BAZ1A: variants seen among roughly 807,000 people sequenced by gnomAD.
BAZ1A encodes the protein bromodomain adjacent to zinc finger domain 1A.
In BAZ1A, 50 loss-of-function variants were observed where a neutral mutation model predicts 185.2. The observed-to-expected ratio is 0.27, with a 90% confidence interval of 0.22 to 0.34. BAZ1A has a LOEUF of 0.34. Among genes scored for constraint, BAZ1A ranks in the 10% least tolerant of loss-of-function variants. The pLI is 1.00. For synonymous variants in BAZ1A, 571 were observed against 615.6 expected, an observed-to-expected ratio of 0.93 and a Z score of 1.07; for missense variants, 1,356 against 1,839.9, an observed-to-expected ratio of 0.74 and a Z score of 4.81.
chr14:34,869,316 C>T (rs2042915690), intron 2 of BAZ1A, among the ~76,000 whole-genome samples: 1 of 152,080 alleles, frequency 6.6e-6, no homozygotes, highest in South Asian at 2.1e-4. Flanking sequence ...TCTTATTGTT[C>T]AGGTACCACA....
intron 17 of BAZ1A, among the ~76,000 whole-genome samples, chr14:34,777,326 T>G (rs1347962057): frequency 6.6e-6 from 1 of 152,214 alleles, no homozygotes; most frequent in Non-Finnish European, 1.5e-5. Context: ...CAAAGTATCA[T>G]TCTTCTTTTT....
intron 24 of BAZ1A, 133 bp downstream of exon 24, chr14:34,761,624 G>C (rs185904016): frequency 6.1e-5 from 45 of 733,190 alleles, no homozygotes. Flanking sequence ...TTATGCTTCA[G>C]GTCAGATTGT....
intron 24 of BAZ1A, 113 bp from the exon 25 acceptor site, chr14:34,758,959 A>C (rs184720632): frequency 2.0e-6 from 2 of 990,852 alleles, no homozygotes; most frequent in Admixed American, 5.3e-5. Context: ...CACTCCGTAC[A>C]CTGAGATGTT....
chr14:34,774,344 T>C lies in BAZ1A; in HGVS notation c.2980A>G (p.Thr994Ala). 1 of 1,611,252 alleles carries C rather than the reference T, an allele frequency of 6.2e-7. No homozygotes were observed. The highest frequency in any genetic ancestry group is 8.5e-7 in the Non-Finnish European group (1 of 1,179,296). ...GTACAAACCTTGATGGCTCCTAATG[T>C]TCCTTGGTAGATTCTATCTTCAATA... is the stretch of plus-strand genomic sequence containing the variant. ...LDIEDRIYQG[T>A]LGAIKVTDRH... Residue 994 changes from threonine (T) to alanine (A), a missense_variant, in exon 19 of 27, where the codon ACA (threonine) becomes GCA (alanine). Around this residue, in one of 7 missense-constraint regions of BAZ1A, gnomAD observed 434 missense variants for 561.7 expected, o/e 0.77. Coordinates refer to ENST00000360310, the MANE Select transcript of BAZ1A (RefSeq NM_013448.3).
At chr14:34,844,777 GCACACACACA>G (rs4007479) in intron 3 of BAZ1A, among the ~76,000 whole-genome samples, 14,860 of 86,672 alleles carry the variant, frequency 0.17, 798 homozygotes, top group South Asian at 0.27. Flanking sequence ...ACACACACGC[GCACACACACA>G]CACACACACA....
At chr14:34,843,119 T>TAAA (rs11389052) in intron 3 of BAZ1A, among the ~76,000 whole-genome samples, 1 of 141,224 alleles carries the variant, frequency 7.1e-6, no homozygotes. Flanking sequence ...AGGGACTGGC[T>TAAA]AAAAAAAAAA....
intron 14 of BAZ1A, among the ~76,000 whole-genome samples, chr14:34,784,540 C>G (rs541049915): frequency 6.6e-6 from 1 of 151,434 alleles, no homozygotes. Flanking sequence ...TTTTTTGAGA[C>G]GGAGTCTCGC....
chr14:34,763,338 T>G (rs1396288431), intron 23 of BAZ1A, among the ~76,000 whole-genome samples: 2 of 151,818 alleles, frequency 1.3e-5, no homozygotes, highest in Non-Finnish European at 2.9e-5. Context: ...TCTCCAACTG[T>G]GGTCCTTTTG....
intron 3 of BAZ1A, among the ~76,000 whole-genome samples, chr14:34,848,703 G>A (rs1307881954): frequency 6.6e-6 from 1 of 152,130 alleles, no homozygotes; most frequent in African/African-American, 2.4e-5. Context: ...ACAATAATCT[G>A]TTATGTTTCT....
intron 4 of BAZ1A, among the ~76,000 whole-genome samples, chr14:34,823,531 A>C (rs1173111449): frequency 6.6e-6 from 1 of 151,998 alleles, no homozygotes; most frequent in African/African-American, 2.4e-5. Flanking sequence ...GTGGTGGCAC[A>C]TGCCTTTAAT....
chr14:34,828,755 A>G (rs927803691), intron 3 of BAZ1A: 4 of 152,168 alleles, frequency 2.6e-5, no homozygotes, highest in African/African-American at 9.7e-5. Context: ...AATATCCTGG[A>G]AAGTTTTTAT....
At chr14:34,774,152 AT>A (rs1417878572) in intron 19 of BAZ1A, among the ~76,000 whole-genome samples, 174 bp downstream of exon 19, 7 of 152,272 alleles carry the variant, frequency 4.6e-5, no homozygotes, top group African/African-American at 1.4e-4. Flanking sequence ...TGATGAAAAT[AT>A]CGGAAAAAAT....
chr14:34,864,077 C>T (rs761924), intron 2 of BAZ1A, among the ~76,000 whole-genome samples: 45,485 of 151,880 alleles, frequency 0.3, 7,067 homozygotes, highest in Admixed American at 0.42. Context: ...CCCACTTCAG[C>T]CTCCCAAAGT....
At chr14:34,867,726 A>G (rs372191583) in intron 2 of BAZ1A, among the ~76,000 whole-genome samples, 2 of 152,218 alleles carry the variant, frequency 1.3e-5, no homozygotes, top group East Asian at 3.8e-4. Flanking sequence ...ACAGTGGCCA[A>G]TTTAAGGGAG....
rs763782131 is a variant in BAZ1A at position 34,862,156 on chromosome 14, T to C, written c.280A>G (p.Ser94Gly). 2.9e-5 allele frequency: 47 copies of C among 1,614,102 alleles called. No individual in the cohort carries two copies. In the African/African-American group the frequency reaches 4.8e-4, roughly 16 times the overall value. The change falls in exon 3 of 27, where the codon AGC becomes GGC. Residue 94 changes from serine to glycine, a missense_variant. Around this residue, in one of 7 missense-constraint regions of BAZ1A, gnomAD observed 332 missense variants for 395.3 expected, o/e 0.84. Transcript: ENST00000360310. ...PLIIPVLYLT[S>G]LTHRSRLHEI... ...TGTAAGCGCGAACGATGGGTAAGGC[T>C]GGTCAAGTATAAAACTGGAATAATT... is the stretch of plus-strand genomic sequence containing the variant.
chr14:34,756,120 T>C (rs1318448250), intron 25 of BAZ1A, among the ~76,000 whole-genome samples: 2 of 146,796 alleles, frequency 1.4e-5, no homozygotes, highest in Non-Finnish European at 3.0e-5. Flanking sequence ...TTTTTCTTTT[T>C]TTTTTTTTTT....
At chr14:34,842,633 G>A (rs1473991150) in intron 3 of BAZ1A, among the ~76,000 whole-genome samples, 3 of 152,124 alleles carry the variant, frequency 2.0e-5, no homozygotes, top group Non-Finnish European at 4.4e-5. Flanking sequence ...AAAGTAAATC[G>A]TACGTGTTCA....
chr14:34,836,540 C>A (rs919258627), intron 3 of BAZ1A, among the ~76,000 whole-genome samples: 1 of 151,608 alleles, frequency 6.6e-6, no homozygotes, highest in Non-Finnish European at 1.5e-5. Context: ...AATAAGAGAC[C>A]GACCCTCTGT....
At chr14:34,789,995 G>A (rs1015944369) in intron 12 of BAZ1A, among the ~76,000 whole-genome samples, 1 of 152,106 alleles carries the variant, frequency 6.6e-6, no homozygotes, top group Non-Finnish European at 1.5e-5. Flanking sequence ...TACCTCAAAA[G>A]AGTAGTATGA....
Sources: gnomAD v4.1 joint callset for allele counts (sites outside exome capture counted in the v4.1 genomes callset) on GRCh38, gnomAD v4.1.1 for gene constraint, gnomAD v4.1.1 regional missense constraint, MANE v1.5 for transcripts, NCBI Gene and HGNC (gene_info 2026-07-23, HGNC 2026-07-21) for gene names.